Variants in DIS3L2 observed in about 807,000 individuals in gnomAD.
The protein encoded by DIS3L2 is DIS3 like 3'-5' exoribonuclease 2.
DIS3L2 carries 34 observed loss-of-function variants against 97.5 expected under a neutral mutation model. That is an observed-to-expected ratio of 0.35 (90% confidence interval 0.27 to 0.46). DIS3L2 has a LOEUF of 0.46. Among genes scored for constraint, DIS3L2 ranks in the 20% least tolerant of loss-of-function variants. The pLI, the probability that DIS3L2 is intolerant of heterozygous loss-of-function variation, is 1.00. For synonymous variants in DIS3L2, 435 were observed against 445.2 expected, an observed-to-expected ratio of 0.98 and a Z score of 0.29; for missense variants, 1,038 against 1,146.0, an observed-to-expected ratio of 0.91 and a Z score of 1.36.
At chr2:232,120,679 C>T (rs1697872377) in intron 6 of DIS3L2, among the ~76,000 whole-genome samples, 1 of 152,124 alleles carries the variant, frequency 6.6e-6, no homozygotes, top group Non-Finnish European at 1.5e-5. Context: ...CTCTACCTTC[C>T]CTAGCACTTT....
chr2:232,246,792 A>ACCCC lies in DIS3L2; in HGVS notation c.1318-2447_1318-2446insCCCC, dbSNP rs1213952472. Among the ~76,000 whole-genome samples, 3 of 152,272 alleles carry ACCCC rather than the reference A, an allele frequency of 2.0e-5. No homozygotes were observed. The East Asian group carries it at 5.8e-4, about 29-fold the overall frequency. ...TGAACCCCAAATTCCAACATATAGAAACAGATCAGGTTTTCACTAAATAAT... is the reference window on the plus strand; with the variant it reads ...TGAACCCCAAATTCCAACATATAGAACCCCACAGATCAGGTTTTCACTAAATAAT... On this transcript the variant is annotated intron_variant, in intron 11 of 20. Transcript: ENST00000325385.
intron 11 of DIS3L2, among the ~76,000 whole-genome samples, chr2:232,244,340 TG>T (rs1205027215): frequency 2.0e-5 from 3 of 152,108 alleles, no homozygotes; most frequent in Non-Finnish European, 4.4e-5. Context: ...TTTTGATTTT[TG>T]GTGGTTTTGA....
At chr2:232,202,922 G>C (rs7581743) in intron 9 of DIS3L2, among the ~76,000 whole-genome samples, 4,963 of 152,330 alleles carry the variant, frequency 0.033, 256 homozygotes, top group African/African-American at 0.11. Flanking sequence ...CAAGGGGACA[G>C]ACCTAGGTTT....
chr2:232,245,949 A>C (rs975019370), intron 11 of DIS3L2, among the ~76,000 whole-genome samples: 2 of 152,250 alleles, frequency 1.3e-5, no homozygotes, highest in Non-Finnish European at 2.9e-5. Context: ...CAGTAAACAT[A>C]GAAAAAAAGA....
intron 9 of DIS3L2, among the ~76,000 whole-genome samples, chr2:232,193,926 C>T (rs183142565): frequency 4.0e-4 from 61 of 152,156 alleles, no homozygotes; most frequent in Admixed American, 1.4e-3. Flanking sequence ...CTGGCCAACA[C>T]GGCAAAACCC....
At chr2:232,263,704 G>A (rs1047884074) in intron 13 of DIS3L2, among the ~76,000 whole-genome samples, 8 of 152,316 alleles carry the variant, frequency 5.3e-5, no homozygotes, top group South Asian at 2.1e-4. Flanking sequence ...GAGTGGGTCT[G>A]TGTGGGTGGC....
chr2:231,974,816 TAATAG>T (rs1275954514), intron 1 of DIS3L2, among the ~76,000 whole-genome samples: 1 of 152,180 alleles, frequency 6.6e-6, no homozygotes, highest in African/African-American at 2.4e-5. Context: ...TCTCTTAGGC[TAATAG>T]AATAAACAAA....
intron 8 of DIS3L2, among the ~76,000 whole-genome samples, chr2:232,149,139 A>C (rs1690315791): frequency 6.6e-6 from 1 of 150,428 alleles, no homozygotes; most frequent in Non-Finnish European, 1.5e-5. Context: ...CTTAAAAAAG[A>C]TACCCTGCAC....
At chr2:232,184,443 G>A (rs1691379894) in intron 9 of DIS3L2, among the ~76,000 whole-genome samples, 1 of 152,140 alleles carries the variant, frequency 6.6e-6, no homozygotes, top group South Asian at 2.1e-4. Flanking sequence ...TTGAGTCCAG[G>A]AGTTCCAGAC....
intron 5 of DIS3L2, among the ~76,000 whole-genome samples, chr2:232,032,913 G>A (rs1444114016): frequency 1.3e-5 from 2 of 152,184 alleles, no homozygotes; most frequent in Non-Finnish European, 2.9e-5. Flanking sequence ...ATAGTTTGAA[G>A]TCAGGTAGCG....
chr2:232,208,406 G>C (rs1692091612), intron 9 of DIS3L2, among the ~76,000 whole-genome samples: 1 of 152,112 alleles, frequency 6.6e-6, no homozygotes, highest in South Asian at 2.1e-4. Flanking sequence ...CACCTCCCGG[G>C]TTCAAACAAT....
intron 17 of DIS3L2, 122 bp downstream of exon 17, chr2:232,334,109 A>T: frequency 1.4e-6 from 2 of 1,433,572 alleles, no homozygotes; most frequent in Non-Finnish European, 1.8e-6. Flanking sequence ...GGGTCGGGCG[A>T]CCCAAGTGCA....
At chr2:232,208,754 A>G (rs1192694482) in intron 9 of DIS3L2, among the ~76,000 whole-genome samples, 1 of 152,122 alleles carries the variant, frequency 6.6e-6, no homozygotes, top group African/African-American at 2.4e-5. Flanking sequence ...TGGGTTGGGC[A>G]TCGTAGCTCA....
rs145980071 is a variant in DIS3L2, at chr2:232,258,487, G to A, written c.1426-4720G>A. On this transcript the variant is annotated intron_variant, in intron 12 of 20. Transcript: ENST00000325385. ...TAGTCCCAGCTACTCAGGAGGCTAA[G>A]GCAGGAGAATCACTTGGACCCGGGA... Among the ~76,000 whole-genome samples the A allele has an allele frequency of 3.9e-4, 59 of 151,988 alleles. No homozygotes were observed. The East Asian group carries it at 0.011, about 29-fold the overall frequency.
At chr2:232,229,773 T>A (rs889357242) in intron 10 of DIS3L2, among the ~76,000 whole-genome samples, 1 of 152,164 alleles carries the variant, frequency 6.6e-6, no homozygotes, top group African/African-American at 2.4e-5. Context: ...TTAGTAATAA[T>A]GAAGGGAAAA....
intron 6 of DIS3L2, among the ~76,000 whole-genome samples, chr2:232,109,561 A>G (rs1181992318): frequency 6.6e-6 from 1 of 152,242 alleles, no homozygotes; most frequent in Non-Finnish European, 1.5e-5. Flanking sequence ...TAGAGAACCC[A>G]GAAATAAGAT....
chr2:232,171,110 G>A (rs946711808), intron 9 of DIS3L2, among the ~76,000 whole-genome samples: 3 of 152,146 alleles, frequency 2.0e-5, no homozygotes, highest in Non-Finnish European at 4.4e-5. Flanking sequence ...GTGATTTTAG[G>A]CAAACCAGTT....
intron 14 of DIS3L2, 28 bp from the exon 15 acceptor site, chr2:232,329,785 T>TGCCCGGGGGGGGGCCCCCCCCC: frequency 1.0e-6 from 1 of 967,142 alleles, no homozygotes. Context: ...ACCCCAGCGG[T>TGCCCGGGGGGGGGCCCCCCCCC]CCCTCCCATC....
chr2:232,329,785 T>TCCCCGGGGCGCCC, intron 14 of DIS3L2, 28 bp from the exon 15 acceptor site: 1 of 967,144 alleles, frequency 1.0e-6, no homozygotes, highest in Non-Finnish European at 1.5e-6. Flanking sequence ...ACCCCAGCGG[T>TCCCCGGGGCGCCC]CCCTCCCATC....
Sources: allele counts gnomAD v4.1 joint callset (sites outside exome capture counted in the v4.1 genomes callset), GRCh38; gene constraint gnomAD v4.1.1; transcripts MANE v1.5; gene names NCBI Gene and HGNC (gene_info 2026-07-23, HGNC 2026-07-21).